Variants in COL9A3 observed in about 807,000 individuals in gnomAD.
The protein encoded by COL9A3 is collagen alpha-3(IX) chain.
Under a neutral mutation model 110.2 loss-of-function variants are expected in COL9A3, and 82 were observed. The ratio of observed to expected loss-of-function variants is 0.74; its 90% CI spans 0.62 to 0.89. The LOEUF (loss-of-function observed/expected upper bound fraction) is 0.89. Among genes scored for constraint, COL9A3 ranks in the 40% least tolerant of loss-of-function variants. COL9A3 has a pLI of 0.00. For synonymous variants in COL9A3, 494 were observed against 403.8 expected (o/e 1.22, Z -2.68); for missense variants, 1,066 against 981.3 (o/e 1.09, Z -1.15).
At chr20:62,830,442 A>T (rs1477221454) in intron 23 of COL9A3, 29 bp downstream of exon 23, 8 of 1,560,318 alleles carry the variant, frequency 5.1e-6, no homozygotes, top group South Asian at 2.3e-5. Context: ...AGGGCCTGGC[A>T]TGGGGGGCGG....
chr20:62,835,743 A>G (rs2063629804), intron 26 of COL9A3, among the ~76,000 whole-genome samples, 178 bp from the exon 27 acceptor site: 1 of 152,270 alleles, frequency 6.6e-6, no homozygotes, highest in African/African-American at 2.4e-5. Flanking sequence ...TCAATCAATC[A>G]GTGCAATCAC....
chr20:62,830,538 G>T lies in COL9A3; in HGVS notation c.1237G>T (p.Asp413Tyr). 1 of 1,608,592 alleles carries T rather than the reference G, an allele frequency of 6.2e-7. No individual in the cohort carries two copies. Residue 413 changes from aspartate (D) to tyrosine (Y), a missense_variant, in exon 24 of 32, where the codon GAC (aspartate) becomes TAC (tyrosine). Physicochemically the swap from Asp to Tyr is radical, Grantham distance 160. Coordinates refer to ENST00000649368, the MANE Select transcript of COL9A3 (RefSeq NM_001853.4). Reference sequence around the variant, plus strand: ...CCAGGGCCAGAAGGGCAGCATGGGAGACCCCGGCCTTCCAGGCCCCCAGGG... The same window carrying T: ...CCAGGGCCAGAAGGGCAGCATGGGATACCCCGGCCTTCCAGGCCCCCAGGG... Reference protein sequence around the residue: ...GFQGQKGSMGDPGLPGPQGLR... With the variant: ...GFQGQKGSMGYPGLPGPQGLR...
chr20:62,822,210 G>T (rs77124167), intron 9 of COL9A3, 46 bp downstream of exon 9: 1 of 1,115,940 alleles, frequency 9.0e-7, no homozygotes, highest in South Asian at 1.2e-5. Flanking sequence ...CATGGACTAG[G>T]ACACTGGGTT....
chr20:62,817,896 G>GCC (rs748722802), intron 2 of COL9A3: 1 of 611,482 alleles, frequency 1.6e-6, no homozygotes, highest in African/African-American at 1.8e-5. Flanking sequence ...CCCCTGAGGG[G>GCC]CCCGTGCCCC....
chr20:62,821,938 T>G, intron 8 of COL9A3, 128 bp downstream of exon 8: 1 of 753,654 alleles, frequency 1.3e-6, no homozygotes, highest in Non-Finnish European at 2.4e-6. Flanking sequence ...TGGTGGGTGT[T>G]GGTAGAAGCC....
intron 2 of COL9A3, chr20:62,817,996 G>A: frequency 2.6e-6 from 1 of 382,872 alleles, no homozygotes; most frequent in Non-Finnish European, 5.0e-6. Context: ...AGGCTGCTGG[G>A]CTCTGGAGCC....
At position 62,828,812 on chromosome 20, in the gene COL9A3, C is replaced by A. The variant is rs1346734695; in HGVS notation, c.949C>A (p.Gln317Lys). 1 of 1,612,822 alleles carries A rather than the reference C, an allele frequency of 6.2e-7. No individual in the cohort carries two copies. The highest frequency in any genetic ancestry group is 1.3e-5 in the African/African-American group (1 of 74,920). Residue 317 changes from glutamine to lysine, a missense_variant, in exon 18 of 32, where the codon CAG becomes AAG. Gln to Lys is a moderately conservative substitution (Grantham distance 53, BLOSUM62 1). Coordinates refer to ENST00000649368, the MANE Select transcript of COL9A3 (RefSeq NM_001853.4). Reference sequence around the variant, plus strand: ...GAATGGCGTGCCAGGACTCGATGGCCAGAAGGTTGGCATGGGGCTCAGGGT... The same window carrying A: ...GAATGGCGTGCCAGGACTCGATGGCAAGAAGGTTGGCATGGGGCTCAGGGT... The part of the protein sequence containing the change: ...GQNGVPGLDG[Q>K]KGEAGRNGAP...
At chr20:62,822,386 G>A (rs117339247) in intron 9 of COL9A3, among the ~76,000 whole-genome samples, 2 of 152,320 alleles carry the variant, frequency 1.3e-5, no homozygotes, top group East Asian at 3.9e-4. Context: ...CTGCCCCAAG[G>A]ACAGGTGGAT....
chr20:62,827,427 G>T (rs985626028), intron 16 of COL9A3, 133 bp downstream of exon 16: 3 of 901,992 alleles, frequency 3.3e-6, no homozygotes, highest in South Asian at 3.1e-5. Flanking sequence ...CTGGGGGTGC[G>T]TGGGGGTGAG....
At position 62,840,552 on chromosome 20, in the gene COL9A3, C is replaced by G. The variant is rs779514361; in HGVS notation, c.1875C>G (p.Gly625=). The change falls in exon 32 of 32, where the codon GGC becomes GGG. Residue 625 remains glycine, a synonymous_variant. Coordinates refer to ENST00000649368, the MANE Select transcript of COL9A3 (RefSeq NM_001853.4). The part of the protein sequence containing the change: ...EGDQGPQGPQ[G]VPGTSKDGQD... ...CTGCTCTGTCCCAAGGACCCCAAGG[C>G]GTGCCCGGCACCAGCAAGGACGGCC... The G allele has an allele frequency of 1.2e-6, 2 of 1,611,756 alleles. No individual in the cohort carries two copies. The highest frequency in any genetic ancestry group is 1.3e-5 in the African/African-American group (1 of 74,856).
Position 62,825,413 on chromosome 20 carries a change from C to T in COL9A3, c.630+392C>T, listed in dbSNP as rs78087013. 123 of 349,890 alleles carry T rather than the reference C, an allele frequency of 3.5e-4. No individual in the cohort carries two copies. The East Asian group carries it at 9.0e-3, about 26-fold the overall frequency. 21.7% of individuals were successfully genotyped at this position (349,890 alleles called of 1,614,324 possible). ...GGCTGGCTTTAGCCTGTAGCCTCCC[C>T]TCACCTGTGGTCGCTGTCCGTGGAG... On this transcript the variant is annotated intron_variant, in intron 12 of 31. Coordinates refer to ENST00000649368, the MANE Select transcript of COL9A3 (RefSeq NM_001853.4).
In COL9A3 at chr20:62,836,240, C is replaced by G. The variant is rs2147227447; in HGVS notation, c.1455C>G (p.Thr485=). The change falls in exon 28 of 32, where the codon ACC becomes ACG. Residue 485 remains threonine (T), a synonymous_variant. Transcript: ENST00000649368. ...AAGGCACCCAGGGTCCCAACGGCAC[C>G]AGCGGTGTTCAGGGTGTCCCCGGGC... ...GPKGTQGPNG[T]SGVQGVPGPP... is the part of the protein sequence containing the mutation. 2 of 1,613,720 alleles carry G rather than the reference C, an allele frequency of 1.2e-6. No individual in the cohort carries two copies. The highest frequency in any genetic ancestry group is 4.5e-5 in the East Asian group (2 of 44,890).
chr20:62,816,587 T>C (rs1360836603), upstream of COL9A3, among the ~76,000 whole-genome samples: 1 of 152,046 alleles, frequency 6.6e-6, no homozygotes, highest in Non-Finnish European at 1.5e-5. Flanking sequence ...CGGGCCCTGG[T>C]ACCGGGGATT....
intron 26 of COL9A3, among the ~76,000 whole-genome samples, chr20:62,835,415 G>A (rs887824129): frequency 1.3e-5 from 2 of 152,198 alleles, no homozygotes; most frequent in African/African-American, 2.4e-5. Context: ...CGGAGACAAC[G>A]GTGTTAGTTT....
At chr20:62,832,968 T>A in intron 25 of COL9A3, 52 bp from the exon 26 acceptor site, 1 of 1,515,210 alleles carries the variant, frequency 6.6e-7, no homozygotes. Context: ...AGGCATGAAG[T>A]CCCTACTCAT....
At chr20:62,833,707 G>GA (rs2147223172) in intron 26 of COL9A3, among the ~76,000 whole-genome samples, 1 of 143,288 alleles carries the variant, frequency 7.0e-6, no homozygotes, top group African/African-American at 2.6e-5. Context: ...CCGGCCGGGG[G>GA]TTTTTTTTGA....
At position 62,840,753 on chromosome 20, in the gene COL9A3, G is replaced by C. The variant is rs767169880; in HGVS notation, c.*21G>C. ...CATAAAATTCAACGTGAGGAAGCAA[G>C]TGACAAGGACGCCCGAAGCACAGTG... On this transcript the variant is annotated 3_prime_UTR_variant, in exon 32 of 32. Coordinates refer to ENST00000649368, the MANE Select transcript of COL9A3 (RefSeq NM_001853.4). 30 of 1,554,744 alleles carry C rather than the reference G, an allele frequency of 1.9e-5. No homozygotes were observed. The highest frequency in any genetic ancestry group is 2.4e-5 in the Non-Finnish European group (28 of 1,148,542).
At chr20:62,825,971 G>A (rs890471254) in intron 13 of COL9A3, 101 bp downstream of exon 13, 1 of 1,363,568 alleles carries the variant, frequency 7.3e-7, no homozygotes, top group Admixed American at 2.1e-5. Context: ...CTCCGGCTGG[G>A]GGGTGTTTGG....
At chr20:62,829,390 C>T (rs2063577926) in intron 19 of COL9A3, 65 bp from the exon 20 acceptor site, 8 of 1,604,908 alleles carry the variant, frequency 5.0e-6, no homozygotes, top group Middle Eastern at 1.7e-4. Flanking sequence ...GCGTGCACGC[C>T]CCTGGGTGCT....
Sources: allele counts gnomAD v4.1 joint callset (sites outside exome capture counted in the v4.1 genomes callset), GRCh38; gene constraint gnomAD v4.1.1; transcripts MANE v1.5; gene names NCBI Gene and HGNC (gene_info 2026-07-23, HGNC 2026-07-21).